Variants in PI4KA observed in about 807,000 individuals in gnomAD.
The protein encoded by PI4KA is phosphatidylinositol 4-kinase alpha, also known as PI4-kinase alpha.
In PI4KA, 122 loss-of-function variants were observed where a neutral mutation model predicts 271.4. The observed-to-expected ratio is 0.45, with a 90% CI of 0.39 to 0.52. The LOEUF (loss-of-function observed/expected upper bound fraction) is 0.52. Among genes scored for constraint, PI4KA ranks in the 20% least tolerant of loss-of-function variants. The pLI, the probability that PI4KA is intolerant of heterozygous loss-of-function variation, is 0.00. For synonymous variants in PI4KA, 1,041 were observed against 1,078.8 expected (o/e 0.96, Z 0.69); for missense variants, 1,969 against 2,769.1 (o/e 0.71, Z 6.48).
rs1043899476 is a variant in PI4KA, at chr22:20,811,777, G to A, written c.1006-745C>T. On this transcript the variant is annotated intron_variant, in intron 8 of 54. Transcript: ENST00000255882. ...GCCTGTAATCCCAGCACTTTAGGAGGCCGAGGCAGGCGGATAATGAGGTCA... is the reference window on the plus strand; with the variant it reads ...GCCTGTAATCCCAGCACTTTAGGAGACCGAGGCAGGCGGATAATGAGGTCA... Among the ~76,000 whole-genome samples, 9 of 152,008 alleles carry A rather than the reference G, an allele frequency of 5.9e-5. No homozygotes were observed. In the East Asian group the frequency reaches 1.3e-3, roughly 23 times the overall value.
intron 42 of PI4KA, among the ~76,000 whole-genome samples, chr22:20,724,073 C>T (rs867246292): frequency 6.6e-5 from 10 of 151,652 alleles, no homozygotes; most frequent in Admixed American, 4.6e-4. Context: ...CTCCTGACCT[C>T]GTGATCCGCC....
At chr22:20,848,112 C>G (rs984907892) in intron 1 of PI4KA, among the ~76,000 whole-genome samples, 1 of 152,002 alleles carries the variant, frequency 6.6e-6, no homozygotes, top group African/African-American at 2.4e-5. Flanking sequence ...GTTGTGCACA[C>G]CTGTAGTCCC....
chr22:20,804,355 T>C lies in PI4KA; in HGVS notation c.1406A>G (p.Lys469Arg). ...CIKLSEKLQSKTSSKVIIAHL... is the reference protein window; with the variant it reads ...CIKLSEKLQSRTSSKVIIAHL... ...AGCAATAATGACTTTGCTGGACGTC[T>C]TGGACTGCAGCTTCTCAGATAGCTT... Residue 469 changes from lysine to arginine, a missense_variant, in exon 12 of 55, where the codon AAG (lysine) becomes AGG (arginine). By Grantham distance (26) the Lys-to-Arg change is conservative. Coordinates refer to ENST00000255882, the MANE Select transcript of PI4KA (RefSeq NM_058004.4). 1 of 1,614,072 alleles carries C rather than the reference T, an allele frequency of 6.2e-7. No individual in the cohort carries two copies. The highest frequency in any genetic ancestry group is 1.1e-5 in the South Asian group (1 of 91,082).
At chr22:20,727,128 C>A (rs1176931154) in intron 41 of PI4KA, 102 bp downstream of exon 41, 2 of 1,038,662 alleles carry the variant, frequency 1.9e-6, no homozygotes, top group Non-Finnish European at 2.8e-6. Context: ...CAGTATGTAA[C>A]GGGGCGACCT....
At chr22:20,744,488 T>A (rs1462095891) in intron 30 of PI4KA, 140 bp downstream of exon 30, 3 of 599,232 alleles carry the variant, frequency 5.0e-6, no homozygotes, top group Non-Finnish European at 8.9e-6. Context: ...CCTCCTAAAA[T>A]GTGCTCTTTA....
chr22:20,768,071 C>T (rs1010301842), intron 19 of PI4KA, among the ~76,000 whole-genome samples: 3 of 152,036 alleles, frequency 2.0e-5, no homozygotes, highest in Non-Finnish European at 4.4e-5. Context: ...GCTGCCACTT[C>T]ACACTTGCAG....
At chr22:20,820,923 A>G (rs957524920) in intron 4 of PI4KA, among the ~76,000 whole-genome samples, 2 of 152,190 alleles carry the variant, frequency 1.3e-5, no homozygotes, top group Admixed American at 1.3e-4. Flanking sequence ...TGGGTCCCCA[A>G]ATCTTCTCTT....
chr22:20,780,184 A>G (rs1238561161), intron 19 of PI4KA: 1 of 1,614,142 alleles, frequency 6.2e-7, no homozygotes, highest in African/African-American at 1.3e-5. Flanking sequence ...ATGATTCTCA[A>G]CTGCATCTAC....
chr22:20,708,367 C>T (rs1015650365), intron 54 of PI4KA, among the ~76,000 whole-genome samples: 4 of 151,940 alleles, frequency 2.6e-5, no homozygotes, highest in East Asian at 1.9e-4. Flanking sequence ...CCCCTTGGCT[C>T]GTCCTGGCCA....
chr22:20,785,385 T>C (rs1239454104), intron 19 of PI4KA, among the ~76,000 whole-genome samples: 1 of 152,214 alleles, frequency 6.6e-6, no homozygotes, highest in Non-Finnish European at 1.5e-5. Context: ...TGACTTTTAA[T>C]TGAGATCTTA....
intron 19 of PI4KA, among the ~76,000 whole-genome samples, chr22:20,776,319 G>A (rs73162805): frequency 0.025 from 3,760 of 152,088 alleles, 53 homozygotes; most frequent in Non-Finnish European, 0.041. Context: ...GTGAGACCCC[G>A]CCGTCTCAAA....
intron 7 of PI4KA, among the ~76,000 whole-genome samples, chr22:20,816,625 C>T (rs948769599): frequency 1.3e-5 from 2 of 151,968 alleles, no homozygotes; most frequent in African/African-American, 4.8e-5. Context: ...GAGCAGGACC[C>T]CAACTCAAAA....
intron 19 of PI4KA, among the ~76,000 whole-genome samples, chr22:20,790,704 AC>A (rs1392799440): frequency 2.8e-4 from 12 of 42,612 alleles, no homozygotes; most frequent in South Asian, 5.6e-4. Flanking sequence ...AAACAAACAC[AC>A]ACACACACAC....
At chr22:20,827,839 G>C (rs528352419) in intron 3 of PI4KA, among the ~76,000 whole-genome samples, 1 of 152,222 alleles carries the variant, frequency 6.6e-6, no homozygotes, top group South Asian at 2.1e-4. Flanking sequence ...CTGTCGCCCA[G>C]GCTGGAGGGC....
intron 22 of PI4KA, 102 bp downstream of exon 22, chr22:20,764,715 C>G (rs1329033145): frequency 1.6e-6 from 2 of 1,282,622 alleles, no homozygotes; most frequent in Non-Finnish European, 2.1e-6. Context: ...GTTTGCATGT[C>G]TTGGGAGAAG....
At position 20,744,711 on chromosome 22, in the gene PI4KA, G is replaced by C; in HGVS notation, c.3373C>G (p.Leu1125Val). Residue 1125 changes from leucine to valine, a missense_variant, in exon 30 of 55, where the codon CTG becomes GTG. Physicochemically the swap from Leu to Val is conservative, Grantham distance 32 (BLOSUM62 1). Coordinates refer to ENST00000255882, the MANE Select transcript of PI4KA (RefSeq NM_058004.4). ...TTCACACAGGCCGGGCGCTCGCTCAGCTGAGTTGCCTACAGACAGATAACC... is the reference window on the plus strand; with the variant it reads ...TTCACACAGGCCGGGCGCTCGCTCACCTGAGTTGCCTACAGACAGATAACC... ...KQNTTLGATQ[L>V]SERPACVKKD... 2 of 1,613,822 alleles carry C rather than the reference G, an allele frequency of 1.2e-6. No homozygotes were observed. The highest frequency in any genetic ancestry group is 1.7e-6 in the Non-Finnish European group (2 of 1,179,668).
intron 19 of PI4KA, among the ~76,000 whole-genome samples, chr22:20,791,033 G>C (rs1026171610): frequency 6.6e-6 from 1 of 152,050 alleles, no homozygotes; most frequent in Admixed American, 6.5e-5. Context: ...GCTCACACAC[G>C]ATCCCACATG....
intron 3 of PI4KA, among the ~76,000 whole-genome samples, chr22:20,833,271 G>A (rs1924421523): frequency 6.6e-6 from 1 of 152,200 alleles, no homozygotes; most frequent in East Asian, 1.9e-4. Flanking sequence ...TGGAGGGGTT[G>A]AGGTGTTCTT....
At chr22:20,799,339 T>C in intron 15 of PI4KA, 63 bp from the exon 16 acceptor site, 1 of 1,393,372 alleles carries the variant, frequency 7.2e-7, no homozygotes, top group Admixed American at 2.5e-5. Flanking sequence ...AGTGAAACAG[T>C]ACCCAGAGAC....
Sources: gnomAD v4.1 joint callset for allele counts (sites outside exome capture counted in the v4.1 genomes callset) on GRCh38, gnomAD v4.1.1 for gene constraint, MANE v1.5 for transcripts, NCBI Gene and HGNC (gene_info 2026-07-23, HGNC 2026-07-21) for gene names.